ZFP64: variants seen among roughly 807,000 people sequenced by gnomAD.
The protein encoded by ZFP64 is ZFP64 zinc finger protein, also known as zinc finger protein 64.
In ZFP64, 14 loss-of-function variants were observed where a neutral mutation model predicts 51.6. The ratio of observed to expected loss-of-function variants is 0.27; its 90% confidence interval spans 0.18 to 0.42. The LOEUF (loss-of-function observed/expected upper bound fraction) is 0.42, where lower values mean the gene tolerates loss of function less well. Ranked by LOEUF, ZFP64 falls within the 10% of genes least tolerant of loss-of-function variation. ZFP64 has a pLI of 1.00. For missense variants in ZFP64, 754 were observed against 906.8 expected (o/e 0.83, Z 2.16); for synonymous variants, 375 against 361.4 (o/e 1.04, Z -0.43).
At chr20:52,107,625 T>C (rs1236524149) in intron 5 of ZFP64, among the ~76,000 whole-genome samples, 2 of 152,248 alleles carry the variant, frequency 1.3e-5, no homozygotes, top group Admixed American at 6.5e-5. Flanking sequence ...AAAAAGGGTA[T>C]GTAATCTTCC....
intron 2 of ZFP64, among the ~76,000 whole-genome samples, chr20:52,177,576 T>C (rs528080226): frequency 2.0e-5 from 3 of 152,184 alleles, no homozygotes; most frequent in South Asian, 2.1e-4. Context: ...CATGCGGCCA[T>C]GCGGAGGACG....
chr20:52,135,428 C>G (rs756664941), intron 5 of ZFP64, among the ~76,000 whole-genome samples: 13 of 152,156 alleles, frequency 8.5e-5, no homozygotes, highest in Non-Finnish European at 1.2e-4. Flanking sequence ...GATTCCTGCT[C>G]TATGGCAAAA....
rs1179192993 is a variant in ZFP64 at position 52,152,193 on chromosome 20, C to T, written c.1999G>A (p.Ala667Thr). Residue 667 changes from alanine (A) to threonine (T), a missense_variant, in exon 6 of 6, where the codon GCA becomes ACA. By Grantham distance (58) the Ala-to-Thr change is moderately conservative. Transcript: ENST00000216923. ...PKQTYSIIQGAAHPALLCPAD... is the reference protein window; with the variant it reads ...PKQTYSIIQGTAHPALLCPAD... ...GGACAGAGCAAAGCTGGATGGGCTG[C>T]CCCTTGAATGATGGAGTAGGTCTGC... The T allele has an allele frequency of 6.2e-7, 1 of 1,614,008 alleles. No homozygotes were observed. The highest frequency in any genetic ancestry group is 1.3e-5 in the African/African-American group (1 of 74,894).
At chr20:52,144,662 T>C (rs1980438296) in intron 5 of ZFP64, among the ~76,000 whole-genome samples, 1 of 142,854 alleles carries the variant, frequency 7.0e-6, no homozygotes, top group Non-Finnish European at 1.5e-5. Flanking sequence ...AAAGCAAAAG[T>C]GCTACTTTTA....
At chr20:52,158,005 T>A (rs1040058793) in intron 5 of ZFP64, among the ~76,000 whole-genome samples, 1 of 152,208 alleles carries the variant, frequency 6.6e-6, no homozygotes, top group Non-Finnish European at 1.5e-5. Context: ...GAACTCAACC[T>A]TTTTTATGGC....
intron 2 of ZFP64, among the ~76,000 whole-genome samples, chr20:52,181,501 T>C (rs572211731): frequency 6.6e-6 from 1 of 152,280 alleles, no homozygotes; most frequent in South Asian, 2.1e-4. Flanking sequence ...AGTAGGCAGA[T>C]AATAAATTTT....
At chr20:52,189,519 A>G (rs1372927322) in intron 1 of ZFP64, among the ~76,000 whole-genome samples, 1 of 149,602 alleles carries the variant, frequency 6.7e-6, no homozygotes, top group Non-Finnish European at 1.5e-5. Flanking sequence ...CTTGTTGCCC[A>G]GGCTGGAGTG....
exon 6 of ZFP64, chr20:52,098,561 T>C (rs2079017121): frequency 1.2e-6 from 2 of 1,614,012 alleles, no homozygotes; most frequent in South Asian, 1.1e-5. Context: ...CAGTTTGCTT[T>C]TGGAACATCA....
chr20:52,177,571 G>A (rs1405032289), intron 2 of ZFP64, among the ~76,000 whole-genome samples: 3 of 152,030 alleles, frequency 2.0e-5, no homozygotes, highest in Non-Finnish European at 2.9e-5. Context: ...GCCACCATGC[G>A]GCCATGCGGA....
At chr20:52,091,786 G>A (rs546379465) in intron 7 of ZFP64, among the ~76,000 whole-genome samples, 5 of 147,032 alleles carry the variant, frequency 3.4e-5, no homozygotes, top group East Asian at 4.0e-4. Flanking sequence ...TTGGGAGTTC[G>A]AGACCAACCT....
intron 2 of ZFP64, among the ~76,000 whole-genome samples, chr20:52,166,615 C>T (rs371421256): frequency 9.2e-5 from 14 of 152,048 alleles, no homozygotes; most frequent in African/African-American, 2.7e-4. Flanking sequence ...CCACCATGCC[C>T]GGCTAATTTT....
At chr20:52,179,170 G>A (rs1416913803) in intron 2 of ZFP64, among the ~76,000 whole-genome samples, 1 of 152,160 alleles carries the variant, frequency 6.6e-6, no homozygotes, top group East Asian at 1.9e-4. Context: ...AAAGGGGGGT[G>A]TCCCTGCACA....
rs555102233 is a variant in ZFP64 at position 52,181,797 on chromosome 20, C to G, written c.286+5035G>C. 9.7e-4 allele frequency among the ~76,000 whole-genome samples: 148 copies of G among 152,282 alleles called. 1 individual carries two copies. The highest frequency in any genetic ancestry group is 3.5e-3 in the African/African-American group (144 of 41,556). ...GGGCACCGGTATCCTTAACAAGCTC[C>G]CAGGGGATCTTGGTCCATAGGCAGG... is the stretch of plus-strand genomic sequence containing the variant. On this transcript the variant is annotated intron_variant, in intron 2 of 5. Coordinates refer to ENST00000216923, the MANE Select transcript of ZFP64 (RefSeq NM_018197.3).
intron 5 of ZFP64, among the ~76,000 whole-genome samples, chr20:52,120,018 G>A (rs748813459): frequency 5.9e-5 from 9 of 152,086 alleles, no homozygotes; most frequent in Non-Finnish European, 8.8e-5. Context: ...TAAGAACACG[G>A]CTTTGGGCAG....
At chr20:52,108,327 C>T (rs1266604094) in intron 5 of ZFP64, among the ~76,000 whole-genome samples, 1 of 151,950 alleles carries the variant, frequency 6.6e-6, no homozygotes, top group African/African-American at 2.4e-5. Context: ...AATGGGATCT[C>T]GGTATAGTCT....
chr20:52,118,385 G>A (rs1224228427), intron 5 of ZFP64, among the ~76,000 whole-genome samples: 1 of 152,174 alleles, frequency 6.6e-6, no homozygotes, highest in East Asian at 1.9e-4. Context: ...TATAGCAGAT[G>A]TTCTTCAAGA....
chr20:52,089,022 C>G (rs1015302128), intron 7 of ZFP64: 7 of 522,228 alleles, frequency 1.3e-5, no homozygotes, highest in Non-Finnish European at 2.3e-5. Context: ...TTCTTCCAAA[C>G]AGCAAGCAGC....
At chr20:52,185,558 C>T (rs78021030) in intron 2 of ZFP64, among the ~76,000 whole-genome samples, 31,024 of 149,250 alleles carry the variant, frequency 0.21, 3,629 homozygotes, top group African/African-American at 0.32. Flanking sequence ...GTAAATCATC[C>T]ACTGACCTTT....
At position 52,153,072 on chromosome 20, in the gene ZFP64, T is replaced by C. The variant is rs768861751; in HGVS notation, c.1120A>G (p.Asn374Asp). The part of the protein sequence containing the change: ...IHCTDRPFKC[N>D]YCSFDTKQPS... ...TGTTTGGTGTCGAAGCTGCAGTAGT[T>C]GCACTTGAAAGGGCGGTCGGTGCAG... is the stretch of plus-strand genomic sequence containing the variant. Residue 374 changes from asparagine to aspartate, a missense_variant, in exon 6 of 6, where the codon AAC becomes GAC. By Grantham distance (23) the Asn-to-Asp change is conservative. Transcript: ENST00000216923. The surrounding 1 kb of genome is among the most constrained non-coding windows in gnomAD (Gnocchi z 5.1). 1 of 1,614,182 alleles carries C rather than the reference T, an allele frequency of 6.2e-7. No individual in the cohort carries two copies. The highest frequency in any genetic ancestry group is 1.1e-5 in the South Asian group (1 of 91,078).
Sources: allele counts gnomAD v4.1 joint callset (sites outside exome capture counted in the v4.1 genomes callset), GRCh38; gene constraint gnomAD v4.1.1; non-coding constraint Gnocchi (gnomAD v3.1); transcripts MANE v1.5; gene names NCBI Gene and HGNC (gene_info 2026-07-23, HGNC 2026-07-21).